The following SOD2 variants were observed in gnomAD, a reference collection of about 807,000 sequenced individuals.
SOD2 encodes the protein superoxide dismutase [Mn], mitochondrial.
A neutral mutation model predicts 27.0 loss-of-function variants in SOD2; 11 were observed. That is an observed-to-expected ratio of 0.41 (90% CI 0.26 to 0.67). The LOEUF (loss-of-function observed/expected upper bound fraction) is 0.67. SOD2 is among the 30% of genes least tolerant of loss of function. The pLI is 0.34. For missense variants in SOD2, 250 were observed against 274.5 expected (o/e 0.91, Z 0.63); for synonymous variants, 105 against 103.0 (o/e 1.02, Z -0.12).
At chr6:159,735,546 C>T (rs956625610) in intron 1 of SOD2, among the ~76,000 whole-genome samples, 2 of 152,080 alleles carry the variant, frequency 1.3e-5, no homozygotes, top group East Asian at 1.9e-4. Context: ...GTCAGGAGTT[C>T]GAGACCAGCC....
chr6:159,751,485 G>A (rs1032597528), intron 1 of SOD2, among the ~76,000 whole-genome samples: 31 of 152,178 alleles, frequency 2.0e-4, no homozygotes, highest in African/African-American at 7.2e-4. Flanking sequence ...TGACAATCTT[G>A]CATATCTCTC....
chr6:159,755,760 C>CTTTTTTTTTTTTTTTTTTTTT (rs1779984995), intron 1 of SOD2: 6 of 283,698 alleles, frequency 2.1e-5, no homozygotes, highest in South Asian at 1.9e-4. Context: ...TTTTTTTTTT[C>CTTTTTTTTTTTTTTTTTTTTT]TTTTCTTTTT....
rs1779763639 is a variant in SOD2 at position 159,675,613 on chromosome 6, A to G, written c.*6880T>C. 1 of 152,242 alleles carries G rather than the reference A, an allele frequency of 6.6e-6. No individual in the cohort carries two copies. Among genetic ancestry groups the G allele is most frequent in the Non-Finnish European group, 1.5e-5 (1 of 68,040 alleles). 9.4% of individuals were successfully genotyped at this position (152,242 alleles called of 1,614,324 possible). ...AAAATTAATTCAAGATGGATTAAAGACTTAAATGTTAGACCTAAAACCATA... is the reference window on the plus strand; with the variant it reads ...AAAATTAATTCAAGATGGATTAAAGGCTTAAATGTTAGACCTAAAACCATA... On this transcript the variant is annotated 3_prime_UTR_variant, in exon 5 of 5. Coordinates refer to ENST00000538183, the MANE Select transcript of SOD2 (RefSeq NM_000636.4).
exon 1 of SOD2, chr6:159,761,042 CTGATT>C (rs1780113625): frequency 1.3e-5 from 2 of 153,692 alleles, no homozygotes; most frequent in Admixed American, 1.3e-4. Context: ...TTTACCTTCT[CTGATT>C]TATCTGACCC....
chr6:159,750,900 G>A (rs958960773), intron 1 of SOD2, among the ~76,000 whole-genome samples: 8 of 152,252 alleles, frequency 5.3e-5, no homozygotes, highest in Non-Finnish European at 8.8e-5. Context: ...GCGTGCACGC[G>A]CACGCACGTG....
chr6:159,727,588 G>A (rs1044402167), upstream of SOD2: 2 of 987,030 alleles, frequency 2.0e-6, no homozygotes, highest in Non-Finnish European at 2.4e-6. Flanking sequence ...AGCGCGGCGG[G>A]GCCGGCGGCA....
At chr6:159,723,768 A>G (rs1009561972) in intron 1 of SOD2, among the ~76,000 whole-genome samples, 16 of 151,968 alleles carry the variant, frequency 1.1e-4, no homozygotes, top group Admixed American at 9.8e-4. Context: ...TTGCAGTTGA[A>G]ACTTTTTTTT....
upstream of SOD2, chr6:159,693,472 C>T (rs549250784): frequency 1.5e-4 from 23 of 157,696 alleles, 1 homozygote; most frequent in South Asian, 4.3e-3. Context: ...GCCTCGGCCT[C>T]GGCAACCTCG....
At chr6:159,710,961 ACCT>A (rs1411264906) in intron 1 of SOD2, among the ~76,000 whole-genome samples, 92 of 122,442 alleles carry the variant, frequency 7.5e-4, no homozygotes, top group Non-Finnish European at 1.3e-3. Flanking sequence ...CACTGCTCTG[ACCT>A]CCATAACCAC....
At chr6:159,710,344 G>A (rs2114819266) in intron 1 of SOD2, among the ~76,000 whole-genome samples, 1 of 151,528 alleles carries the variant, frequency 6.6e-6, no homozygotes, top group African/African-American at 2.4e-5. Context: ...CAGCTACTGG[G>A]AGGCTGAGGC....
intron 1 of SOD2, among the ~76,000 whole-genome samples, chr6:159,743,304 C>G (rs1315027391): frequency 6.6e-6 from 1 of 152,250 alleles, no homozygotes; most frequent in African/African-American, 2.4e-5. Context: ...GCCTCAGCCT[C>G]CCAAAGTGCT....
chr6:159,747,893 T>TAA (rs747463318), upstream of SOD2, among the ~76,000 whole-genome samples: 23 of 151,688 alleles, frequency 1.5e-4, no homozygotes, highest in Non-Finnish European at 3.2e-4. Context: ...TAACCTTAAA[T>TAA]AGTTATTTTT....
chr6:159,727,725 G>T (rs1778283764), upstream of SOD2: 2 of 985,676 alleles, frequency 2.0e-6, no homozygotes, highest in African/African-American at 3.5e-5. Flanking sequence ...CCGGCTGGCG[G>T]GAGCGGACGC....
chr6:159,746,619 T>C (rs1305681015), upstream of SOD2, among the ~76,000 whole-genome samples: 2 of 152,208 alleles, frequency 1.3e-5, no homozygotes, highest in Admixed American at 6.5e-5. Context: ...AAGGCATAAA[T>C]TAGCCACGTA....
chr6:159,692,399 G>C (rs759217546), intron 2 of SOD2: 7 of 1,371,078 alleles, frequency 5.1e-6, no homozygotes, highest in Non-Finnish European at 5.7e-6. Context: ...AACGGAATGT[G>C]GCTCACAACA....
At position 159,687,746 on chromosome 6, in the gene SOD2, T is replaced by G. The variant is rs562096944; in HGVS notation, c.343+380A>C. The stretch of plus-strand genomic sequence containing the variant: ...AACTTAGGCCAGGCACGGTGGCTCA[T>G]GCCTGTAATCCCAGCACTTTGGGAG... On this transcript the variant is annotated intron_variant, in intron 3 of 4. Transcript: ENST00000538183. Among the ~76,000 whole-genome samples, 67 of 152,040 alleles carry G rather than the reference T, an allele frequency of 4.4e-4. 1 individual carries two copies. In the South Asian group the frequency reaches 8.9e-3, roughly 20 times the overall value.
upstream of SOD2, among the ~76,000 whole-genome samples, chr6:159,747,598 T>A (rs1779649621): frequency 6.6e-6 from 1 of 152,244 alleles, no homozygotes; most frequent in African/African-American, 2.4e-5. Context: ...GAAATTCAAA[T>A]GTGTATTTTA....
upstream of SOD2, among the ~76,000 whole-genome samples, chr6:159,746,308 T>C (rs1482199004): frequency 1.3e-5 from 2 of 152,140 alleles, no homozygotes; most frequent in African/African-American, 2.4e-5. Flanking sequence ...AAGCGAATGG[T>C]TGAAAGGATT....
chr6:159,702,950 C>T (rs920258144), intron 1 of SOD2, among the ~76,000 whole-genome samples: 1 of 150,004 alleles, frequency 6.7e-6, no homozygotes, highest in African/African-American at 2.5e-5. Flanking sequence ...CCCAGGGGTT[C>T]GAGGCTGCAG....
Sources: allele counts gnomAD v4.1 joint callset (sites outside exome capture counted in the v4.1 genomes callset), GRCh38; gene constraint gnomAD v4.1.1; transcripts MANE v1.5; gene names NCBI Gene and HGNC (gene_info 2026-07-23, HGNC 2026-07-21).